The following HELZ variants were observed in gnomAD, a reference collection of about 807,000 sequenced individuals.
HELZ encodes helicase with zinc finger, also known as ATP-dependent RNA helicase with zinc finger domain.
HELZ carries 23 observed loss-of-function variants against 218.2 expected under a neutral mutation model. The ratio of observed to expected loss-of-function variants is 0.11; its 90% CI spans 0.08 to 0.15. The LOEUF (loss-of-function observed/expected upper bound fraction) is 0.15. Ranked by LOEUF, HELZ falls within the 10% of genes least tolerant of loss-of-function variation. The pLI is 1.00. For synonymous variants in HELZ, 814 were observed against 829.4 expected (o/e 0.98, Z 0.32); for missense variants, 1,813 against 2,353.7 (o/e 0.77, Z 4.75).
intron 3 of HELZ, among the ~76,000 whole-genome samples, chr17:67,226,108 A>T (rs995633030): frequency 7.9e-5 from 12 of 151,662 alleles, no homozygotes; most frequent in Admixed American, 2.0e-4. Flanking sequence ...AAAAATACAA[A>T]AATTATCTGG....
chr17:67,111,842 T>C (rs1415644393), intron 28 of HELZ, among the ~76,000 whole-genome samples: 3 of 152,228 alleles, frequency 2.0e-5, no homozygotes, highest in Non-Finnish European at 2.9e-5. Context: ...ATCTTTTCAA[T>C]GACTAAAATT....
At chr17:67,196,969 G>A (rs566890938) in intron 7 of HELZ, among the ~76,000 whole-genome samples, 8 of 152,020 alleles carry the variant, frequency 5.3e-5, no homozygotes, top group African/African-American at 1.9e-4. Context: ...CCTCATTACC[G>A]CTTGTCTCAT....
At chr17:67,240,026 C>T (rs552945518) in intron 2 of HELZ, among the ~76,000 whole-genome samples, 16 of 152,274 alleles carry the variant, frequency 1.1e-4, no homozygotes, top group Non-Finnish European at 2.1e-4. Context: ...CTACCATTAA[C>T]CCCCACCAGC....
chr17:67,223,926 G>A (rs1360450638), intron 3 of HELZ, among the ~76,000 whole-genome samples: 1 of 152,162 alleles, frequency 6.6e-6, no homozygotes, highest in African/African-American at 2.4e-5. Flanking sequence ...ATCTGTTGCT[G>A]ACCTATAAAA....
chr17:67,163,557 C>T (rs1376775998), intron 15 of HELZ, among the ~76,000 whole-genome samples: 1 of 150,852 alleles, frequency 6.6e-6, no homozygotes, highest in Admixed American at 6.6e-5. Flanking sequence ...CACCACCACG[C>T]TCGGCTAATT....
At chr17:67,153,485 T>A (rs1034617631) in intron 17 of HELZ, among the ~76,000 whole-genome samples, 3 of 152,354 alleles carry the variant, frequency 2.0e-5, no homozygotes, top group African/African-American at 7.2e-5. Context: ...TCCTCTTCCC[T>A]AGTTAGGAAA....
chr17:67,193,658 G>A (rs542987004), intron 9 of HELZ, among the ~76,000 whole-genome samples: 9 of 152,306 alleles, frequency 5.9e-5, no homozygotes, highest in East Asian at 5.8e-4. Flanking sequence ...AGAGGTTGCC[G>A]TGAGCCAAGA....
At chr17:67,115,246 A>G (rs576329350) in intron 27 of HELZ, among the ~76,000 whole-genome samples, 1 of 152,096 alleles carries the variant, frequency 6.6e-6, no homozygotes, top group Admixed American at 6.5e-5. Context: ...ACAGAAATAG[A>G]AACTACCCAA....
chr17:67,154,681 G>A lies in HELZ; in HGVS notation c.2178-3457C>T, dbSNP rs181332785. On this transcript the variant is annotated intron_variant, in intron 17 of 32. Transcript: ENST00000358691. ...ATCAAAACATGTTTTTAAATTCTTCGAACCAAAATTGAGTTCATTTTTCCA... is the reference window on the plus strand; with the variant it reads ...ATCAAAACATGTTTTTAAATTCTTCAAACCAAAATTGAGTTCATTTTTCCA... 2.5e-4 allele frequency among the ~76,000 whole-genome samples: 38 copies of A among 151,878 alleles called. 1 individual carries two copies. The highest frequency in any genetic ancestry group is 2.0e-3 in the Admixed American group (31 of 15,262).
chr17:67,130,930 G>A (rs1304634698), intron 23 of HELZ, among the ~76,000 whole-genome samples: 2 of 152,170 alleles, frequency 1.3e-5, no homozygotes, highest in Non-Finnish European at 2.9e-5. Context: ...CACTCAGAGT[G>A]AAGGGCAGGA....
At position 67,107,331 on chromosome 17, in the gene HELZ, T is replaced by G. The variant is rs776357847; in HGVS notation, c.5079A>C (p.Leu1693=). The stretch of plus-strand genomic sequence containing the variant: ...GGCCATAGGGAAAACCTGGCCCCAT[T>G]AGGTGATTCTGTTGCAAGTTAGCAA... ...WTFANLQQNH[L]MGPGFPYGLP... Residue 1693 remains leucine (L), a synonymous_variant, in exon 31 of 33, where the codon CTA becomes CTC. Transcript: ENST00000358691. 2 of 1,614,086 alleles carry G rather than the reference T, an allele frequency of 1.2e-6. No homozygotes were observed. Among genetic ancestry groups the G allele is most frequent in the South Asian group, 1.1e-5 (1 of 91,078 alleles).
At chr17:67,117,978 A>T (rs2037480856) in intron 27 of HELZ, among the ~76,000 whole-genome samples, 1 of 152,230 alleles carries the variant, frequency 6.6e-6, no homozygotes, top group Non-Finnish European at 1.5e-5. Context: ...AAGTGACCTA[A>T]AGATTAAACA....
At chr17:67,177,910 C>G (rs927138865) in intron 13 of HELZ, among the ~76,000 whole-genome samples, 2 of 151,904 alleles carry the variant, frequency 1.3e-5, no homozygotes, top group African/African-American at 4.8e-5. Flanking sequence ...CATAAGGCAT[C>G]CTGGAGAAGA....
intron 13 of HELZ, among the ~76,000 whole-genome samples, chr17:67,173,964 A>T (rs750195873): frequency 1.6e-4 from 24 of 152,252 alleles, no homozygotes; most frequent in Admixed American, 4.6e-4. Context: ...CAGCTAAAGC[A>T]CATTTCCTTT....
In HELZ at chr17:67,167,580, T is replaced by C. The variant is rs1463190113; in HGVS notation, c.1647A>G (p.Gly549=). Residue 549 remains glycine (G), a synonymous_variant, in exon 14 of 33, where the codon GGA becomes GGG. Transcript: ENST00000358691. ...TAGCTTCATAAACCTTCTCTTTGGT[T>C]CCCTGGGTCTGTACTAACTTCTGTT... is the stretch of plus-strand genomic sequence containing the variant. ...VPKQKLVQTQ[G]TKEKVYEATI... 1 of 1,614,066 alleles carries C rather than the reference T, an allele frequency of 6.2e-7. No homozygotes were observed. The highest frequency in any genetic ancestry group is 8.5e-7 in the Non-Finnish European group (1 of 1,179,922).
Position 67,128,680 on chromosome 17 carries a change from T to C in HELZ, c.3358A>G (p.Thr1120Ala). 1 of 1,614,180 alleles carries C rather than the reference T, an allele frequency of 6.2e-7. No homozygotes were observed. The highest frequency in any genetic ancestry group is 8.5e-7 in the Non-Finnish European group (1 of 1,180,008). The change falls in exon 24 of 33, where the codon ACC (threonine) becomes GCC (alanine). Residue 1120 changes from threonine (T) to alanine (A), a missense_variant. Thr to Ala is a moderately conservative substitution (Grantham distance 58). This residue lies in a region of HELZ where 938 missense variants were observed against 1,027.5 expected (regional missense o/e 0.91). Transcript: ENST00000358691. ...RALRLQHSGS[T>A]NKQQQSPPKG... ...GGTGGTGATTGCTGCTGTTTGTTGG[T>C]ACTTCCTGAATGCTGCAGTCTTAGA...
chr17:67,123,819 G>GTGTGTGTC, intron 25 of HELZ, 144 bp downstream of exon 25: 1 of 578,156 alleles, frequency 1.7e-6, no homozygotes, highest in Non-Finnish European at 3.3e-6. Context: ...AAGTGACTGT[G>GTGTGTGTC]TGTGTGTGTG....
At chr17:67,242,219 C>T (rs1468667536) in intron 2 of HELZ, among the ~76,000 whole-genome samples, 2 of 152,130 alleles carry the variant, frequency 1.3e-5, no homozygotes, top group Non-Finnish European at 2.9e-5. Flanking sequence ...AGCTCGAGAC[C>T]AGCCTGACCA....
chr17:67,088,596 C>A (rs1405412164), intron 31 of HELZ, among the ~76,000 whole-genome samples: 1 of 152,144 alleles, frequency 6.6e-6, no homozygotes, highest in African/African-American at 2.4e-5. Flanking sequence ...GCAATTCTCT[C>A]GCTATTAAGT....
Sources: gnomAD v4.1 joint callset for allele counts (sites outside exome capture counted in the v4.1 genomes callset) on GRCh38, gnomAD v4.1.1 for gene constraint, gnomAD v4.1.1 regional missense constraint, MANE v1.5 for transcripts, NCBI Gene and HGNC (gene_info 2026-07-23, HGNC 2026-07-21) for gene names.